The following CSMD3 variants were observed in gnomAD, a reference collection of about 807,000 sequenced individuals.
The protein encoded by CSMD3 is CUB and Sushi multiple domains 3, also known as CUB and sushi domain-containing protein 3.
CSMD3 carries 177 observed loss-of-function variants against 435.2 expected under a neutral mutation model. That is an observed-to-expected ratio of 0.41 (90% CI 0.36 to 0.46). The LOEUF is 0.46. CSMD3 is among the 20% of genes least tolerant of loss of function. CSMD3 has a pLI of 0.34. For synonymous variants in CSMD3, 1,656 were observed against 1,520.5 expected, an observed-to-expected ratio of 1.09 and a Z score of -2.07; for missense variants, 4,265 against 4,504.6, an observed-to-expected ratio of 0.95 and a Z score of 1.52.
At chr8:112,362,533 T>C (rs950101161) in intron 38 of CSMD3, among the ~76,000 whole-genome samples, 2 of 152,020 alleles carry the variant, frequency 1.3e-5, no homozygotes, top group Admixed American at 6.6e-5. Context: ...TCACGACGTG[T>C]AGGTATTATT....
At position 112,223,700 on chromosome 8, in the gene CSMD3, T is replaced by A. The variant is rs1812340634; in HGVS notation, c.*1071A>T. 6.6e-6 allele frequency: 1 copy of A among 152,186 alleles called. No individual in the cohort carries two copies. Among genetic ancestry groups the A allele is most frequent in the Non-Finnish European group, 1.5e-5 (1 of 68,012 alleles). The allele number at this position is 152,186 out of a possible 1,614,324, so 9.4% of individuals were successfully genotyped here. ...TAATAATAATTTTTTTCAGTCATTA[T>A]GTTTAGTGGCTAGACCAAAATATTT... On this transcript the variant is annotated 3_prime_UTR_variant, in exon 71 of 71. Transcript: ENST00000297405.
chr8:112,920,707 A>G (rs1196966728), intron 10 of CSMD3, among the ~76,000 whole-genome samples: 3 of 151,870 alleles, frequency 2.0e-5, no homozygotes, highest in East Asian at 3.9e-4. Flanking sequence ...ATTACTTATT[A>G]AAACTCAACT....
At chr8:112,875,091 G>A (rs1490507970) in intron 10 of CSMD3, among the ~76,000 whole-genome samples, 2 of 152,006 alleles carry the variant, frequency 1.3e-5, no homozygotes, top group African/African-American at 4.8e-5. Context: ...CTTCCTTCAG[G>A]AGCTCTTGTA....
chr8:112,281,974 T>A (rs897589421), intron 58 of CSMD3, among the ~76,000 whole-genome samples: 4 of 152,128 alleles, frequency 2.6e-5, no homozygotes, highest in Non-Finnish European at 5.9e-5. Context: ...AACACGAATG[T>A]CTTTTTATGA....
chr8:113,066,402 AAG>A (rs1232743529), intron 5 of CSMD3, among the ~76,000 whole-genome samples: 4 of 152,074 alleles, frequency 2.6e-5, no homozygotes, highest in East Asian at 1.9e-4. Context: ...AAAAAAAAGA[AAG>A]AGAAGAAAAC....
intron 3 of CSMD3, among the ~76,000 whole-genome samples, chr8:113,273,642 G>A (rs574065531): frequency 6.6e-6 from 1 of 152,228 alleles, no homozygotes; most frequent in East Asian, 1.9e-4. Context: ...GCATCCACTG[G>A]AAGCCTTGGA....
intron 19 of CSMD3, among the ~76,000 whole-genome samples, chr8:112,647,297 A>G (rs1399702766): frequency 6.8e-6 from 1 of 146,660 alleles, no homozygotes; most frequent in African/African-American, 2.6e-5. Context: ...GTCATTTTCA[A>G]ATCACTTTTT....
At chr8:113,158,314 T>A (rs1182513137) in intron 4 of CSMD3, among the ~76,000 whole-genome samples, 1 of 151,842 alleles carries the variant, frequency 6.6e-6, no homozygotes, top group Non-Finnish European at 1.5e-5. Context: ...GACAGAAATA[T>A]GAACCACATA....
At chr8:113,132,071 A>T (rs1327613750) in intron 4 of CSMD3, among the ~76,000 whole-genome samples, 2 of 151,930 alleles carry the variant, frequency 1.3e-5, no homozygotes, top group African/African-American at 4.8e-5. Context: ...GTTTTGGCCA[A>T]TTTTTCCTTT....
intron 9 of CSMD3, among the ~76,000 whole-genome samples, chr8:112,936,555 G>A (rs984659828): frequency 5.9e-5 from 9 of 151,964 alleles, no homozygotes; most frequent in African/African-American, 1.4e-4. Flanking sequence ...ATCTTTAATC[G>A]TGACACTAGA....
chr8:112,813,219 G>A lies in CSMD3; in HGVS notation c.1860-12945C>T, dbSNP rs180683660. On this transcript the variant is annotated intron_variant, in intron 12 of 70. Transcript: ENST00000297405. ...TGAAAGTACAAAGCTCCCACAGCAT[G>A]GAAGGGGTCCCAAACGAATGGGTAG... 2.7e-3 allele frequency among the ~76,000 whole-genome samples: 417 copies of A among 152,276 alleles called. 5 individuals carry two copies. Among genetic ancestry groups the A allele is most frequent in the African/African-American group, 9.5e-3 (395 of 41,562 alleles).
At chr8:113,418,283 T>C (rs1448397870) in intron 1 of CSMD3, among the ~76,000 whole-genome samples, 2 of 152,132 alleles carry the variant, frequency 1.3e-5, no homozygotes, top group African/African-American at 4.8e-5. Context: ...TTAGATTATC[T>C]AGAGAGGAGA....
intron 31 of CSMD3, among the ~76,000 whole-genome samples, chr8:112,478,492 T>C (rs1301970492): frequency 6.6e-6 from 1 of 152,206 alleles, no homozygotes; most frequent in Non-Finnish European, 1.5e-5. Context: ...TATTATTCTC[T>C]AGCAAAGAAT....
intron 32 of CSMD3, among the ~76,000 whole-genome samples, chr8:112,461,024 A>C (rs1172684283): frequency 6.6e-6 from 1 of 152,156 alleles, no homozygotes; most frequent in Non-Finnish European, 1.5e-5. Flanking sequence ...TTTCAAATAC[A>C]TTATTTCAAA....
rs556577832 is a variant in CSMD3, at chr8:112,314,021, G to T, written c.7581C>A (p.Ser2527=). ...GPNIQSPVLI[S]LSGDYSSAFN... ...AAGCAGATGAATAATCCCCACTGAG[G>T]GAAATAAGCACTGGACTTTGAATAT... is the stretch of plus-strand genomic sequence containing the variant. The change falls in exon 49 of 71, where the codon TCC becomes TCA. Residue 2527 remains serine, a synonymous_variant. Coordinates refer to ENST00000297405, the MANE Select transcript of CSMD3 (RefSeq NM_198123.2). 6.2e-7 allele frequency: 1 copy of T among 1,610,126 alleles called. No individual in the cohort carries two copies. Among genetic ancestry groups the T allele is most frequent in the East Asian group, 2.2e-5 (1 of 44,696 alleles).
At chr8:113,413,048 C>T (rs1340217292) in intron 1 of CSMD3, among the ~76,000 whole-genome samples, 1 of 152,026 alleles carries the variant, frequency 6.6e-6, no homozygotes, top group Non-Finnish European at 1.5e-5. Flanking sequence ...TATCTTGCAA[C>T]TATATTTATT....
In CSMD3 at chr8:112,501,790, C is replaced by A. The variant is rs142617160; in HGVS notation, c.5083+2000G>T. Among the ~76,000 whole-genome samples, 6 of 152,242 alleles carry A rather than the reference C, an allele frequency of 3.9e-5. No individual in the cohort carries two copies. The East Asian group carries it at 1.2e-3, about 29-fold the overall frequency. On this transcript the variant is annotated intron_variant, in intron 30 of 70. Transcript: ENST00000297405. ...TCTGGTAGTAATAAACCAGAACAAC[C>A]TAAATGTCTATCAGCAGAAAAATTT...
chr8:113,220,213 G>A (rs931454421), intron 3 of CSMD3, among the ~76,000 whole-genome samples: 1 of 151,440 alleles, frequency 6.6e-6, no homozygotes, highest in African/African-American at 2.4e-5. Flanking sequence ...CCCAGCCACA[G>A]AGGCACCCTC....
chr8:113,223,539 A>G (rs2132142616), intron 3 of CSMD3, among the ~76,000 whole-genome samples: 1 of 150,190 alleles, frequency 6.7e-6, no homozygotes, highest in Non-Finnish European at 1.5e-5. Context: ...ATTAGCCTTT[A>G]TTATTTATAT....
Sources: allele counts gnomAD v4.1 joint callset (sites outside exome capture counted in the v4.1 genomes callset), GRCh38; gene constraint gnomAD v4.1.1; transcripts MANE v1.5; gene names NCBI Gene and HGNC (gene_info 2026-07-23, HGNC 2026-07-21).